Variants in RNASEH2B observed in about 807,000 individuals in gnomAD.
RNASEH2B encodes the protein ribonuclease H2 subunit B.
Under a neutral mutation model 45.0 loss-of-function variants are expected in RNASEH2B, and 36 were observed. That is an observed-to-expected ratio of 0.80 (90% CI 0.61 to 1.06). RNASEH2B has a LOEUF of 1.06. Ranked by LOEUF, RNASEH2B falls within the 50% of genes least tolerant of loss-of-function variation. The pLI is 0.00. For missense variants in RNASEH2B, 361 were observed against 360.3 expected, an observed-to-expected ratio of 1.00 and a Z score of -0.02; for synonymous variants, 119 against 125.7, an observed-to-expected ratio of 0.95 and a Z score of 0.35.
intron 9 of RNASEH2B, among the ~76,000 whole-genome samples, chr13:50,967,326 T>C (rs1952175190): frequency 6.6e-6 from 1 of 152,248 alleles, no homozygotes; most frequent in Non-Finnish European, 1.5e-5. Flanking sequence ...TGTATATGTA[T>C]ATTTCTTTTC....
chr13:50,911,502 G>A (rs1432905663), intron 1 of RNASEH2B: 2 of 152,162 alleles, frequency 1.3e-5, no homozygotes, highest in Non-Finnish European at 2.9e-5. Flanking sequence ...ATATCTCTAG[G>A]GTGTATACCC....
chr13:50,910,028 CTG>C lies in RNASEH2B; in HGVS notation c.-48_-47del. ...CGCCATTTTCGGCGGGGCTGGGAGACTGAGGCCCGCGGCGCTGAGCCTGCGGC... is the reference window on the plus strand; with the variant it reads ...CGCCATTTTCGGCGGGGCTGGGAGACAGGCCCGCGGCGCTGAGCCTGCGGC... On this transcript the variant is annotated 5_prime_UTR_variant, in exon 1 of 11. Transcript: ENST00000336617. 6.9e-7 allele frequency: 1 copy of C among 1,443,848 alleles called. No homozygotes were observed. The highest frequency in any genetic ancestry group is 3.0e-5 in the East Asian group (1 of 33,054). 89.4% of individuals were successfully genotyped at this position (1,443,848 alleles called of 1,614,324 possible).
intron 5 of RNASEH2B, chr13:50,938,212 A>C (rs1180144317): frequency 6.6e-6 from 1 of 152,234 alleles, no homozygotes; most frequent in Non-Finnish European, 1.5e-5. Flanking sequence ...ATGTAACACA[A>C]TATGTTCAAG....
chr13:50,938,032 A>G (rs1019640943), intron 5 of RNASEH2B: 2 of 152,250 alleles, frequency 1.3e-5, no homozygotes, highest in African/African-American at 4.8e-5. Context: ...GTATGAAAAA[A>G]TCCAAAAGAA....
At chr13:50,953,838 T>C in intron 9 of RNASEH2B, 67 bp from the exon 10 acceptor site, 1 of 1,108,638 alleles carries the variant, frequency 9.0e-7, no homozygotes, top group Non-Finnish European at 1.4e-6. Context: ...ATGTTGGGTT[T>C]TTTTTTAATG....
intron 1 of RNASEH2B, among the ~76,000 whole-genome samples, chr13:50,914,306 G>A (rs1173042844): frequency 6.6e-6 from 1 of 152,150 alleles, no homozygotes; most frequent in Non-Finnish European, 1.5e-5. Context: ...GTATGTATAT[G>A]TTTGTGTTTA....
intron 1 of RNASEH2B, among the ~76,000 whole-genome samples, chr13:50,923,829 T>C (rs1163415128): frequency 6.6e-6 from 1 of 152,226 alleles, no homozygotes; most frequent in Non-Finnish European, 1.5e-5. Flanking sequence ...CATAGAGCAA[T>C]AATTATGAAC....
chr13:50,910,006 C>T lies in RNASEH2B; in HGVS notation c.-71C>T. On this transcript the variant is annotated 5_prime_UTR_variant, in exon 1 of 11. Transcript: ENST00000336617. ...CACCCGGAACAGACCCTTCTCCCGCCATTTTCGGCGGGGCTGGGAGACTGA... is the reference window on the plus strand; with the variant it reads ...CACCCGGAACAGACCCTTCTCCCGCTATTTTCGGCGGGGCTGGGAGACTGA... 1 of 1,344,916 alleles carries T rather than the reference C, an allele frequency of 7.4e-7. No homozygotes were observed. Among genetic ancestry groups the T allele is most frequent in the Non-Finnish European group, 9.9e-7 (1 of 1,005,362 alleles). The allele number at this position is 1,344,916 out of a possible 1,614,324, so 83.3% of individuals were successfully genotyped here.
chr13:50,960,350 A>G (rs538897834), downstream of RNASEH2B, among the ~76,000 whole-genome samples: 39 of 152,178 alleles, frequency 2.6e-4, no homozygotes, highest in African/African-American at 8.7e-4. Flanking sequence ...TATATATTTT[A>G]CATTATATTA....
chr13:50,942,874 A>T, intron 5 of RNASEH2B: 1 of 161,370 alleles, frequency 6.2e-6, no homozygotes, highest in South Asian at 1.8e-4. Context: ...TTTCCACGTT[A>T]GACATAGATA....
chr13:50,931,645 G>A lies in RNASEH2B; in HGVS notation c.321+886G>A, dbSNP rs566649103. Among the ~76,000 whole-genome samples, 10 of 152,154 alleles carry A rather than the reference G, an allele frequency of 6.6e-5. No individual in the cohort carries two copies. The East Asian group carries it at 1.5e-3, about 23-fold the overall frequency. On this transcript the variant is annotated intron_variant, in intron 4 of 10. Coordinates refer to ENST00000336617, the MANE Select transcript of RNASEH2B (RefSeq NM_024570.4). ...GGTAGGATTATATGAAAAATATGCGGCCCCATACATCTTTGTAGTTAGAAA... is the reference window on the plus strand; with the variant it reads ...GGTAGGATTATATGAAAAATATGCGACCCCATACATCTTTGTAGTTAGAAA...
intron 9 of RNASEH2B, among the ~76,000 whole-genome samples, chr13:50,969,526 A>C (rs1439547906): frequency 6.7e-6 from 1 of 150,372 alleles, no homozygotes; most frequent in Admixed American, 6.6e-5. Context: ...CCTCTACAAA[A>C]AAAAAAAAAA....
At chr13:50,955,678 T>G (rs1952037574) in intron 10 of RNASEH2B, 1 of 152,258 alleles carries the variant, frequency 6.6e-6, no homozygotes, top group African/African-American at 2.4e-5. Flanking sequence ...CATTTATGCT[T>G]CTTCTGAACA....
chr13:50,941,472 G>A (rs1360916791), intron 5 of RNASEH2B: 2 of 152,214 alleles, frequency 1.3e-5, no homozygotes, highest in Non-Finnish European at 2.9e-5. Context: ...GCAGCAGATG[G>A]TAGACATTCT....
intron 9 of RNASEH2B, among the ~76,000 whole-genome samples, chr13:50,965,413 A>G (rs1266282004): frequency 6.6e-6 from 1 of 152,206 alleles, no homozygotes; most frequent in Non-Finnish European, 1.5e-5. Flanking sequence ...AACATATCCC[A>G]TCATTAAGCA....
chr13:50,917,406 G>A (rs1879805809), intron 1 of RNASEH2B, among the ~76,000 whole-genome samples: 1 of 152,120 alleles, frequency 6.6e-6, no homozygotes, highest in South Asian at 2.1e-4. Context: ...GTATAGCAGA[G>A]GTTTATTTGT....
At chr13:50,940,156 C>T (rs868412817) in intron 5 of RNASEH2B, among the ~76,000 whole-genome samples, 2 of 152,158 alleles carry the variant, frequency 1.3e-5, no homozygotes, top group African/African-American at 4.8e-5. Flanking sequence ...AAATTGGACA[C>T]AAAAAGTATA....
At chr13:50,933,429 C>T (rs1473960674) in intron 4 of RNASEH2B, among the ~76,000 whole-genome samples, 1 of 152,170 alleles carries the variant, frequency 6.6e-6, no homozygotes, top group Non-Finnish European at 1.5e-5. Flanking sequence ...CACGTCTTCC[C>T]AAGTGCCAAA....
rs74410136 is a variant in RNASEH2B, at chr13:50,946,633, A to G, written c.616+1101A>G. Among the ~76,000 whole-genome samples the G allele has an allele frequency of 4.0e-3, 605 of 152,252 alleles. 3 individuals carry two copies. Among genetic ancestry groups the G allele is most frequent in the African/African-American group, 0.014 (576 of 41,540 alleles). On this transcript the variant is annotated intron_variant, in intron 7 of 10. Transcript: ENST00000336617. Reference sequence around the variant, plus strand: ...AGTAGGAGAAGGGATGTTAGAGGTTATTTAGACAGATCATCTCATTTTTTA... The same window carrying G: ...AGTAGGAGAAGGGATGTTAGAGGTTGTTTAGACAGATCATCTCATTTTTTA...
Sources: allele counts gnomAD v4.1 joint callset (sites outside exome capture counted in the v4.1 genomes callset), GRCh38; gene constraint gnomAD v4.1.1; transcripts MANE v1.5; gene names NCBI Gene and HGNC (gene_info 2026-07-23, HGNC 2026-07-21).